FHIT: variants seen among roughly 807,000 people sequenced by gnomAD.
FHIT encodes bis(5'-adenosyl)-triphosphatase.
FHIT carries 19 observed loss-of-function variants against 17.9 expected under a neutral mutation model. The ratio of observed to expected loss-of-function variants is 1.06; its 90% CI spans 0.74 to 1.56. The LOEUF (loss-of-function observed/expected upper bound fraction) is 1.56, where lower values mean the gene tolerates loss of function less well. Ranked by LOEUF, FHIT falls within the 40% of genes most tolerant of loss-of-function variation. FHIT has a pLI of 0.00. For missense variants in FHIT, 248 were observed against 189.2 expected, an observed-to-expected ratio of 1.31 and a Z score of -1.82; for synonymous variants, 81 against 69.7, an observed-to-expected ratio of 1.16 and a Z score of -0.81.
At chr3:60,774,809 G>C (rs1700166083) in intron 4 of FHIT, among the ~76,000 whole-genome samples, 1 of 152,172 alleles carries the variant, frequency 6.6e-6, no homozygotes, top group Admixed American at 6.5e-5. Context: ...AGACATCACA[G>C]ATACATGGGA....
At chr3:60,346,501 G>A (rs1049212098) in intron 5 of FHIT, among the ~76,000 whole-genome samples, 1 of 152,172 alleles carries the variant, frequency 6.6e-6, no homozygotes, top group Admixed American at 6.5e-5. Flanking sequence ...AGGAGCCTGT[G>A]CTCTTCAGCT....
At chr3:60,550,379 G>A (rs1391564745) in intron 4 of FHIT, among the ~76,000 whole-genome samples, 1 of 152,140 alleles carries the variant, frequency 6.6e-6, no homozygotes, top group South Asian at 2.1e-4. Flanking sequence ...AACTTGAAGT[G>A]TCCCAGAATT....
chr3:60,573,943 G>C (rs562397756), intron 4 of FHIT, among the ~76,000 whole-genome samples: 1 of 152,090 alleles, frequency 6.6e-6, no homozygotes, highest in African/African-American at 2.4e-5. Flanking sequence ...CTGAGTAGCT[G>C]GAATTACAGG....
intron 5 of FHIT, among the ~76,000 whole-genome samples, chr3:60,083,046 T>C (rs1180676036): frequency 2.0e-5 from 3 of 152,196 alleles, no homozygotes; most frequent in Non-Finnish European, 4.4e-5. Context: ...CCAAGGCTGA[T>C]GTCCAGAAAG....
chr3:60,892,734 A>G (rs2087703981), intron 3 of FHIT, among the ~76,000 whole-genome samples: 1 of 152,264 alleles, frequency 6.6e-6, no homozygotes, highest in Non-Finnish European at 1.5e-5. Context: ...TAGAGTGAAA[A>G]TTAAATTCTG....
rs906935776 is a variant in FHIT, at chr3:60,148,444, C to G, written c.104-134292G>C. ...GAATCTGTATAGTATTTATTTTTAT[C>G]CTAGCAAACTATACTTTACCTTTCT... On this transcript the variant is annotated intron_variant, in intron 5 of 9. Coordinates refer to ENST00000492590, the MANE Select transcript of FHIT (RefSeq NM_002012.4). Among the ~76,000 whole-genome samples the G allele has an allele frequency of 2.0e-4, 30 of 152,094 alleles. 1 individual carries two copies. The highest frequency in any genetic ancestry group is 1.3e-4 in the Admixed American group (2 of 15,266).
chr3:60,212,544 C>A (rs1189966393), intron 5 of FHIT, among the ~76,000 whole-genome samples: 15 of 152,110 alleles, frequency 9.9e-5, no homozygotes. Context: ...AAACACATAT[C>A]TCTTTCACAT....
intron 5 of FHIT, among the ~76,000 whole-genome samples, chr3:60,198,200 G>T (rs192322942): frequency 3.9e-5 from 6 of 152,184 alleles, no homozygotes; most frequent in Admixed American, 3.9e-4. Flanking sequence ...CACTTGGAGA[G>T]AAATCAAATA....
At chr3:60,730,181 T>G (rs2041998930) in intron 4 of FHIT, 1 of 388,454 alleles carries the variant, frequency 2.6e-6, no homozygotes, top group Admixed American at 3.3e-5. Flanking sequence ...CTAATGGCTC[T>G]GTGTATCCTC....
At chr3:60,159,419 C>A (rs1700842993) in intron 5 of FHIT, among the ~76,000 whole-genome samples, 1 of 152,292 alleles carries the variant, frequency 6.6e-6, no homozygotes, top group South Asian at 2.1e-4. Context: ...TAATGCCCAG[C>A]CGATGTGTGT....
intron 5 of FHIT, among the ~76,000 whole-genome samples, chr3:60,443,696 TG>T (rs1464355951): frequency 1.3e-5 from 2 of 152,152 alleles, no homozygotes; most frequent in African/African-American, 4.8e-5. Flanking sequence ...TGAGGATTTT[TG>T]CATCGATGTT....
chr3:60,801,330 G>A (rs1701179278), intron 4 of FHIT, among the ~76,000 whole-genome samples: 2 of 152,156 alleles, frequency 1.3e-5, no homozygotes, highest in South Asian at 4.1e-4. Flanking sequence ...TTAGGCAAGA[G>A]GCTTCAGGTC....
rs1444167690 is a variant in FHIT, at chr3:60,964,969, T to C, written c.-111+77078A>G. 2.0e-5 allele frequency among the ~76,000 whole-genome samples: 3 copies of C among 152,242 alleles called. No homozygotes were observed. The East Asian group carries it at 5.8e-4, about 29-fold the overall frequency. On this transcript the variant is annotated intron_variant, in intron 3 of 9. Transcript: ENST00000492590. ...TGTCTCTGTATTTCCTGAATTTGAA[T>C]GTTGGCCTGCCTTGCTAGGTTTGGG...
At chr3:60,149,994 T>C (rs1406382680) in intron 5 of FHIT, among the ~76,000 whole-genome samples, 1 of 71,074 alleles carries the variant, frequency 1.4e-5, no homozygotes, top group East Asian at 4.0e-4. Flanking sequence ...GCCTTTTTTT[T>C]TTTTTTTTTT....
At chr3:60,199,029 G>A (rs1055981252) in intron 5 of FHIT, among the ~76,000 whole-genome samples, 1 of 152,166 alleles carries the variant, frequency 6.6e-6, no homozygotes. Context: ...TTCTAAAGGA[G>A]TTGTCAGAGG....
At chr3:60,804,190 C>T (rs1235348798) in intron 4 of FHIT, among the ~76,000 whole-genome samples, 1 of 152,198 alleles carries the variant, frequency 6.6e-6, no homozygotes, top group South Asian at 2.1e-4. Flanking sequence ...TTTAGCTCCA[C>T]GGAGGGCTAC....
At chr3:60,661,113 G>A (rs1236357788) in intron 4 of FHIT, among the ~76,000 whole-genome samples, 3 of 151,842 alleles carry the variant, frequency 2.0e-5, no homozygotes, top group South Asian at 2.1e-4. Flanking sequence ...TACATGAATA[G>A]GTTCTTTAGC....
At chr3:60,845,590 A>G (rs1702899757) in intron 3 of FHIT, among the ~76,000 whole-genome samples, 1 of 152,190 alleles carries the variant, frequency 6.6e-6, no homozygotes, top group South Asian at 2.1e-4. Context: ...TTGCGATGCT[A>G]TCTTAAGATT....
intron 3 of FHIT, among the ~76,000 whole-genome samples, chr3:60,866,899 C>G (rs1386726545): frequency 6.6e-6 from 1 of 152,180 alleles, no homozygotes; most frequent in Non-Finnish European, 1.5e-5. Flanking sequence ...GATTTTTCCT[C>G]TTTTCTTTCC....
Sources: allele counts gnomAD v4.1 joint callset (sites outside exome capture counted in the v4.1 genomes callset), GRCh38; gene constraint gnomAD v4.1.1; transcripts MANE v1.5; gene names NCBI Gene and HGNC (gene_info 2026-07-23, HGNC 2026-07-21).